MACROD2: variants seen among roughly 807,000 people sequenced by gnomAD.
The protein encoded by MACROD2 is mono-ADP ribosylhydrolase 2, also known as ADP-ribose glycohydrolase MACROD2.
MACROD2 carries 36 observed loss-of-function variants against 70.4 expected under a neutral mutation model. The ratio of observed to expected loss-of-function variants is 0.51; its 90% CI spans 0.39 to 0.68. The LOEUF (loss-of-function observed/expected upper bound fraction) is 0.68. Ranked by LOEUF, MACROD2 falls within the 30% of genes least tolerant of loss-of-function variation. The probability of loss-of-function intolerance (pLI) is 0.00; values close to 1 mark genes in which losing one functional copy is unlikely to be tolerated. For synonymous variants in MACROD2, 172 were observed against 178.8 expected, an observed-to-expected ratio of 0.96 and a Z score of 0.30; for missense variants, 496 against 538.4, an observed-to-expected ratio of 0.92 and a Z score of 0.78.
chr20:15,820,381 A>G (rs2063926659), intron 8 of MACROD2, among the ~76,000 whole-genome samples: 1 of 152,046 alleles, frequency 6.6e-6, no homozygotes, highest in Non-Finnish European at 1.5e-5. Context: ...TGGTAGAGAC[A>G]GGGTCTCACC....
intron 3 of MACROD2, among the ~76,000 whole-genome samples, chr20:14,242,612 A>G (rs1481981440): frequency 1.3e-5 from 2 of 152,166 alleles, no homozygotes; most frequent in African/African-American, 4.8e-5. Context: ...GGTGTTAATT[A>G]CCCAATTATT....
intron 4 of MACROD2, among the ~76,000 whole-genome samples, chr20:14,673,813 G>A (rs1024784890): frequency 3.6e-4 from 54 of 151,534 alleles, no homozygotes; most frequent in Middle Eastern, 3.4e-3. Flanking sequence ...TCAGCTACTC[G>A]GGAGGCTGAG....
chr20:15,168,551 G>A (rs151290307), intron 5 of MACROD2, among the ~76,000 whole-genome samples: 6 of 150,480 alleles, frequency 4.0e-5, no homozygotes, highest in African/African-American at 1.5e-4. Context: ...GCAGGGACTC[G>A]AACAGATGCT....
At chr20:15,986,635 G>A in intron 13 of MACROD2, 92 bp from the exon 14 acceptor site, 2 of 886,310 alleles carry the variant, frequency 2.3e-6, no homozygotes, top group Non-Finnish European at 3.6e-6. Flanking sequence ...ATCTCTCCAT[G>A]CATGATTAAA....
intron 5 of MACROD2, chr20:14,893,956 T>G (rs1378414015): frequency 1.3e-5 from 2 of 151,916 alleles, no homozygotes; most frequent in African/African-American, 4.8e-5. Flanking sequence ...GGCAAATTAT[T>G]AAATTTTTAT....
At chr20:15,164,852 G>A (rs1211737099) in intron 5 of MACROD2, among the ~76,000 whole-genome samples, 1 of 152,102 alleles carries the variant, frequency 6.6e-6, no homozygotes, top group East Asian at 1.9e-4. Flanking sequence ...AGTGAACTGT[G>A]GTCAGGCCAC....
chr20:15,058,490 A>C (rs1601011054), intron 5 of MACROD2, among the ~76,000 whole-genome samples: 1 of 152,244 alleles, frequency 6.6e-6, no homozygotes. Flanking sequence ...TATGGAATAT[A>C]CTTATCCTAA....
At chr20:15,143,877 G>A (rs1233330046) in intron 5 of MACROD2, among the ~76,000 whole-genome samples, 1 of 150,568 alleles carries the variant, frequency 6.6e-6, no homozygotes. Context: ...TGGCTTCCCT[G>A]GGCCACGTAG....
At chr20:15,961,344 G>T (rs1451320275) in intron 12 of MACROD2, among the ~76,000 whole-genome samples, 1 of 152,042 alleles carries the variant, frequency 6.6e-6, no homozygotes, top group African/African-American at 2.4e-5. Context: ...GGACCCAAAT[G>T]CTTGTCTCAC....
At chr20:15,386,048 T>C (rs982465965) in intron 6 of MACROD2, among the ~76,000 whole-genome samples, 4 of 152,168 alleles carry the variant, frequency 2.6e-5, no homozygotes, top group African/African-American at 7.2e-5. Flanking sequence ...ACGATTAAGA[T>C]GTTGAGATTC....
chr20:14,102,668 A>G (rs529173597), intron 3 of MACROD2, among the ~76,000 whole-genome samples: 4 of 152,276 alleles, frequency 2.6e-5, no homozygotes, highest in Admixed American at 1.3e-4. Context: ...AAATTGTCCA[A>G]ATCACCACTG....
intron 3 of MACROD2, among the ~76,000 whole-genome samples, chr20:14,218,854 A>C (rs753510115): frequency 6.6e-6 from 1 of 152,224 alleles, no homozygotes; most frequent in Non-Finnish European, 1.5e-5. Context: ...GAGGCTGAAG[A>C]TAAGTCCCCA....
chr20:15,418,707 G>A (rs1038862029), intron 6 of MACROD2, among the ~76,000 whole-genome samples: 6 of 152,144 alleles, frequency 3.9e-5, no homozygotes, highest in Non-Finnish European at 8.8e-5. Context: ...AAAAACCTTC[G>A]GAGGCACTGG....
intron 2 of MACROD2, among the ~76,000 whole-genome samples, chr20:14,040,979 G>C (rs1219169140): frequency 1.3e-5 from 2 of 152,092 alleles, no homozygotes; most frequent in Non-Finnish European, 2.9e-5. Context: ...TGTTCTTTTG[G>C]TTTGAGTGCC....
chr20:15,280,188 A>G (rs961350798), intron 6 of MACROD2, among the ~76,000 whole-genome samples: 1 of 152,258 alleles, frequency 6.6e-6, no homozygotes, highest in East Asian at 1.9e-4. Context: ...TAGGGAAATA[A>G]CAGCACAAAT....
At chr20:14,685,472 G>T (rs890993597) in intron 5 of MACROD2, among the ~76,000 whole-genome samples, 2 of 152,210 alleles carry the variant, frequency 1.3e-5, no homozygotes, top group African/African-American at 4.8e-5. Flanking sequence ...AACGAAATCT[G>T]GTTGTCAGTG....
chr20:15,858,695 A>G lies in MACROD2; in HGVS notation c.646-4050A>G, dbSNP rs1369132779. ...CAAAGGCCTGGAGTTGAAATAATCT[A>G]AAGTCTACCTACTTTCAGTGAGGGT... On this transcript the variant is annotated intron_variant, in intron 8 of 17. Coordinates refer to ENST00000684519, the MANE Select transcript of MACROD2 (RefSeq NM_001351661.2). Among the ~76,000 whole-genome samples the G allele has an allele frequency of 3.3e-5, 5 of 152,298 alleles. No homozygotes were observed. In the East Asian group the frequency reaches 7.7e-4, roughly 24 times the overall value.
At chr20:15,702,289 A>G (rs950087561) in intron 8 of MACROD2, among the ~76,000 whole-genome samples, 7 of 152,218 alleles carry the variant, frequency 4.6e-5, no homozygotes, top group South Asian at 2.1e-4. Context: ...CAAGCTGTGT[A>G]TAAGTATTCC....
rs368530431 is a variant in MACROD2 at position 15,862,738 on chromosome 20, C to T, written c.646-7C>T. 1.0e-5 allele frequency: 16 copies of T among 1,607,904 alleles called. No individual in the cohort carries two copies. Among genetic ancestry groups the T allele is most frequent in the Non-Finnish European group, 1.4e-5 (16 of 1,176,918 alleles). On this transcript the variant is annotated splice_region_variant and splice_polypyrimidine_tract_variant and intron_variant, in intron 8 of 17. Coordinates refer to ENST00000684519, the MANE Select transcript of MACROD2 (RefSeq NM_001351661.2). ...TTCACTTTGAGTGTTTTATCTTTTG[C>T]CTCTAGGTGGATCGGATCATTTTCT... is the stretch of plus-strand genomic sequence containing the variant.
Sources: gnomAD v4.1 joint callset for allele counts (sites outside exome capture counted in the v4.1 genomes callset) on GRCh38, gnomAD v4.1.1 for gene constraint, MANE v1.5 for transcripts, NCBI Gene and HGNC (gene_info 2026-07-23, HGNC 2026-07-21) for gene names.